Variants in TBC1D20 observed in about 807,000 individuals in gnomAD.
TBC1D20 encodes TBC1 domain family member 20, also known as chromosome 20 open reading frame 140.
Under a neutral mutation model 41.6 loss-of-function variants are expected in TBC1D20, and 12 were observed. The ratio of observed to expected loss-of-function variants is 0.29; its 90% CI spans 0.18 to 0.47. The LOEUF (loss-of-function observed/expected upper bound fraction) is 0.47. Ranked by LOEUF, TBC1D20 falls within the 20% of genes least tolerant of loss-of-function variation. TBC1D20 has a pLI of 1.00. For synonymous variants in TBC1D20, 205 were observed against 204.8 expected (o/e 1.00, Z -0.01); for missense variants, 421 against 517.4 (o/e 0.81, Z 1.81).
At position 437,017 on chromosome 20, in the gene TBC1D20, G is replaced by C. The variant is rs796550202; in HGVS notation, c.*1569C>G. ...AGTCCCAGCTACTCGGGAGGCTGAG[G>C]CAGCGAGAATTGCCTGAACTTGGGA... On this transcript the variant is annotated 3_prime_UTR_variant, in exon 8 of 8. Transcript: ENST00000354200. 2 of 152,340 alleles carry C rather than the reference G, an allele frequency of 1.3e-5. No individual in the cohort carries two copies. Among genetic ancestry groups the C allele is most frequent in the African/African-American group, 4.8e-5 (2 of 41,554 alleles). The allele number at this position is 152,340 out of a possible 1,614,324, so 9.4% of individuals were successfully genotyped here.
intron 2 of TBC1D20, among the ~76,000 whole-genome samples, chr20:446,759 A>C (rs1169507670): frequency 3.3e-5 from 5 of 151,578 alleles, no homozygotes; most frequent in Admixed American, 3.3e-4. Flanking sequence ...CATCCTCCCA[A>C]GCAGCTAAGA....
rs370663616 is a variant in TBC1D20 at position 438,872 on chromosome 20, TG to T, written c.957-32del. ...GGGGAAAGAGACGGAAGGAAGGAAGTGGTATGAAAGAGGAGGAGGAAAGCAA... is the reference window on the plus strand; with the variant it reads ...GGGGAAAGAGACGGAAGGAAGGAAGTGTATGAAAGAGGAGGAGGAAAGCAA... On this transcript the variant is annotated intron_variant, in intron 7 of 7. Transcript: ENST00000354200. 9.3e-6 allele frequency: 15 copies of T among 1,607,628 alleles called. No homozygotes were observed. The African/African-American group carries it at 2.0e-4, about 22-fold the overall frequency.
At chr20:441,026 T>C (rs1477390331) in intron 5 of TBC1D20, 1 of 153,358 alleles carries the variant, frequency 6.5e-6, no homozygotes, top group African/African-American at 2.4e-5. Flanking sequence ...AGATAGAGGT[T>C]GCAGTGAGCC....
chr20:458,987 G>A (rs1189616297), intron 1 of TBC1D20, among the ~76,000 whole-genome samples: 1 of 152,116 alleles, frequency 6.6e-6, no homozygotes, highest in Non-Finnish European at 1.5e-5. Flanking sequence ...GCACTCCCAC[G>A]TGTGCCACTC....
intron 3 of TBC1D20, among the ~76,000 whole-genome samples, chr20:443,191 C>A (rs983064805): frequency 6.6e-6 from 1 of 152,164 alleles, no homozygotes; most frequent in Non-Finnish European, 1.5e-5. Flanking sequence ...ATTTTTACAA[C>A]CTTTCAGTAA....
Position 445,080 on chromosome 20 carries a change from C to A in TBC1D20, c.307G>T (p.Val103Phe). Residue 103 changes from valine to phenylalanine, a missense_variant, in exon 3 of 8, where the codon GTC becomes TTC. Val to Phe is a conservative substitution (Grantham distance 50). Transcript: ENST00000354200. ...GGGAACCGCCGCAATGACCGCCGGA[C>A]GTCCAGCAACACTTGTTGGTAGTCC... ...SKDYQQVLLDVRRSLRRFPPG... is the reference protein window; with the variant it reads ...SKDYQQVLLDFRRSLRRFPPG... 6.2e-7 allele frequency: 1 copy of A among 1,606,010 alleles called. No homozygotes were observed. Among genetic ancestry groups the A allele is most frequent in the Non-Finnish European group, 8.5e-7 (1 of 1,175,268 alleles).
rs778859168 is a variant in TBC1D20, at chr20:441,975, G to T, written c.406C>A (p.Arg136Ser). The T allele has an allele frequency of 2.0e-5, 32 of 1,613,954 alleles. No homozygotes were observed. The highest frequency in any genetic ancestry group is 2.6e-5 in the Non-Finnish European group (31 of 1,179,998). ...LIDIILLILE[R>S]NPQLHYYQGY... Reference sequence around the variant, plus strand: ...TGGTAGTAGTGCAGCTGAGGGTTGCGCTCCAAGATGAGGAGGATGATGTCA... The same window carrying T: ...TGGTAGTAGTGCAGCTGAGGGTTGCTCTCCAAGATGAGGAGGATGATGTCA... Residue 136 changes from arginine (R) to serine (S), a missense_variant, in exon 4 of 8, where the codon CGC (arginine) becomes AGC (serine). Arg to Ser is a moderately radical substitution (Grantham distance 110, BLOSUM62 -1). Around this residue, in one of 3 missense-constraint regions of TBC1D20, gnomAD observed 110 missense variants for 183.5 expected, o/e 0.60. Transcript: ENST00000354200.
rs776126778 is a variant in TBC1D20, at chr20:438,604, C to G, written c.1194G>C (p.Gln398His). 9 of 1,613,896 alleles carry G rather than the reference C, an allele frequency of 5.6e-6. No individual in the cohort carries two copies. In the African/African-American group the frequency reaches 1.2e-4, roughly 22 times the overall value. The change falls in exon 8 of 8, where the codon CAG becomes CAC. Residue 398 changes from glutamine to histidine, a missense_variant. Gln to His is a conservative substitution (Grantham distance 24). Transcript: ENST00000354200. ...CTGGCTTTCAGGGAAACAGCTGCAGCTGAAACTTAGGGGCCCATTCCAGGG... is the reference window on the plus strand; with the variant it reads ...CTGGCTTTCAGGGAAACAGCTGCAGGTGAAACTTAGGGGCCCATTCCAGGG... ...KSALEWAPKF[Q>H]LQLFP is the part of the protein sequence containing the mutation.
intron 1 of TBC1D20, among the ~76,000 whole-genome samples, chr20:454,367 C>T (rs2017505962): frequency 6.6e-6 from 1 of 151,552 alleles, no homozygotes; most frequent in Non-Finnish European, 1.5e-5. Context: ...AAATGGAGGA[C>T]ATTCAGGGGC....
At chr20:453,663 A>C (rs1281035008) in intron 1 of TBC1D20, among the ~76,000 whole-genome samples, 2 of 137,644 alleles carry the variant, frequency 1.5e-5, no homozygotes, top group Non-Finnish European at 3.1e-5. Context: ...CTCCTGCCTC[A>C]GTCTCCTGAG....
At chr20:442,304 G>A (rs973651328) in intron 3 of TBC1D20, among the ~76,000 whole-genome samples, 3 of 152,222 alleles carry the variant, frequency 2.0e-5, no homozygotes, top group African/African-American at 7.2e-5. Context: ...TTTAACTGCA[G>A]AATTTCAACT....
chr20:451,533 G>A lies in TBC1D20; in HGVS notation c.71-3459C>T, dbSNP rs147149156. 6.7e-3 allele frequency among the ~76,000 whole-genome samples: 1,017 copies of A among 152,220 alleles called. 15 individuals carry two copies. Among genetic ancestry groups the A allele is most frequent in the African/African-American group, 0.023 (957 of 41,532 alleles). Reference sequence around the variant, plus strand: ...ACTGCACTCTAGCCTGGACGTCAGAGCAAGACTCTGTCTCAAAAGAAAAAT... The same window carrying A: ...ACTGCACTCTAGCCTGGACGTCAGAACAAGACTCTGTCTCAAAAGAAAAAT... On this transcript the variant is annotated intron_variant, in intron 1 of 7. Coordinates refer to ENST00000354200, the MANE Select transcript of TBC1D20 (RefSeq NM_144628.4).
chr20:444,550 T>TTTTG (rs907854297), intron 3 of TBC1D20, among the ~76,000 whole-genome samples: 1 of 122,070 alleles, frequency 8.2e-6, no homozygotes, highest in Non-Finnish European at 1.8e-5. Flanking sequence ...ATACATTCTT[T>TTTTG]TTTGTTTGTT....
rs528435314 is a variant in TBC1D20, at chr20:462,488, A to G, written c.-83T>C. ...CGCGGCTCCGACCGCGGGACGTAGC[A>G]CCCGCTCGGCATCGGCAGGCTCCCC... On this transcript the variant is annotated 5_prime_UTR_variant, in exon 1 of 8. Coordinates refer to ENST00000354200, the MANE Select transcript of TBC1D20 (RefSeq NM_144628.4). 3,542 of 833,244 alleles carry G rather than the reference A, an allele frequency of 4.3e-3. 63 individuals carry two copies. The African/African-American group carries it at 0.054, about 13-fold the overall frequency. 51.6% of individuals were successfully genotyped at this position (833,244 alleles called of 1,614,324 possible). A position where few individuals can be genotyped will look rare whatever the true frequency, so the allele number is the denominator to read the frequency against.
chr20:454,006 C>T (rs1200133775), intron 1 of TBC1D20, among the ~76,000 whole-genome samples: 1 of 148,366 alleles, frequency 6.7e-6, no homozygotes, highest in African/African-American at 2.5e-5. Context: ...TTTGGGAGGC[C>T]GAGGTGGGCA....
At chr20:452,711 T>C (rs2017466894) in intron 1 of TBC1D20, among the ~76,000 whole-genome samples, 2 of 152,134 alleles carry the variant, frequency 1.3e-5, no homozygotes, top group Admixed American at 1.3e-4. Context: ...TCATGTGAAG[T>C]GGAAGATATC....
At position 446,729 on chromosome 20, in the gene TBC1D20, G is replaced by C. The variant is rs376228025; in HGVS notation, c.256+1160C>G. Among the ~76,000 whole-genome samples the C allele has an allele frequency of 5.3e-5, 8 of 151,558 alleles. No homozygotes were observed. The East Asian group carries it at 1.4e-3, about 26-fold the overall frequency. On this transcript the variant is annotated intron_variant, in intron 2 of 7. Coordinates refer to ENST00000354200, the MANE Select transcript of TBC1D20 (RefSeq NM_144628.4). ...TTGCCCAGGCTGGCCTCAAACTCCTGGGCTCAAGTAATCCTGCCTCATCCT... is the reference window on the plus strand; with the variant it reads ...TTGCCCAGGCTGGCCTCAAACTCCTCGGCTCAAGTAATCCTGCCTCATCCT...
chr20:462,237 TC>T, intron 1 of TBC1D20, 98 bp downstream of exon 1: 1 of 764,230 alleles, frequency 1.3e-6, no homozygotes, highest in Non-Finnish European at 1.7e-6. Flanking sequence ...CAGCCCCGGG[TC>T]CCCAGCCCGC....
intron 1 of TBC1D20, among the ~76,000 whole-genome samples, chr20:459,513 T>C (rs2017595184): frequency 6.6e-6 from 1 of 152,206 alleles, no homozygotes; most frequent in Non-Finnish European, 1.5e-5. Flanking sequence ...ATGGAACGAA[T>C]GACCGTCCTA....
Sources: allele counts gnomAD v4.1 joint callset (sites outside exome capture counted in the v4.1 genomes callset), GRCh38; gene constraint gnomAD v4.1.1; regional missense constraint gnomAD v4.1.1; transcripts MANE v1.5; gene names NCBI Gene and HGNC (gene_info 2026-07-23, HGNC 2026-07-21).